Variants in ADAMTS19 observed in about 807,000 individuals in gnomAD.
The protein encoded by ADAMTS19 is ADAM metallopeptidase with thrombospondin type 1 motif 19.
In ADAMTS19, 93 loss-of-function variants were observed where a neutral mutation model predicts 153.3. The ratio of observed to expected loss-of-function variants is 0.61; its 90% CI spans 0.51 to 0.72. The LOEUF is 0.72. ADAMTS19 is among the 30% of genes least tolerant of loss of function. The pLI is 0.00. For synonymous variants in ADAMTS19, 600 were observed against 556.6 expected (o/e 1.08, Z -1.10); for missense variants, 1,482 against 1,552.1 (o/e 0.95, Z 0.76).
At chr5:129,471,433 G>A (rs1428310173) in intron 2 of ADAMTS19, among the ~76,000 whole-genome samples, 1 of 139,224 alleles carries the variant, frequency 7.2e-6, no homozygotes, top group Non-Finnish European at 1.5e-5. Flanking sequence ...GAAAAGAAAG[G>A]AAGGAAAGAA....
chr5:129,704,342 G>T lies in ADAMTS19; in HGVS notation c.3263G>T (p.Cys1088Phe). ...LSTRPREAED[C>F]EDYSKCYVWR... ...ACCAGACCCAGGGAGGCTGAAGACT[G>T]TGAGGATTATTCAAAATGCTATGTG... Residue 1088 changes from cysteine (C) to phenylalanine (F), a missense_variant, in exon 21 of 23, where the codon TGT (cysteine) becomes TTT (phenylalanine). By Grantham distance (205) the Cys-to-Phe change is radical. Around this residue, in one of 2 missense-constraint regions of ADAMTS19, gnomAD observed 616 missense variants for 724.4 expected, o/e 0.85. Transcript: ENST00000274487. 1 of 1,614,136 alleles carries T rather than the reference G, an allele frequency of 6.2e-7. No individual in the cohort carries two copies. The highest frequency in any genetic ancestry group is 1.1e-5 in the South Asian group (1 of 91,078).
chr5:129,691,114 T>C (rs1755315649), intron 18 of ADAMTS19, among the ~76,000 whole-genome samples: 1 of 152,190 alleles, frequency 6.6e-6, no homozygotes, highest in Non-Finnish European at 1.5e-5. Flanking sequence ...AGTGTCAGCT[T>C]ATCTGTGAAA....
At chr5:129,471,552 C>T (rs907001367) in intron 2 of ADAMTS19, among the ~76,000 whole-genome samples, 24 of 151,210 alleles carry the variant, frequency 1.6e-4, no homozygotes, top group Non-Finnish European at 4.4e-5. Context: ...ATACAAGGTA[C>T]TTTTTTTTTA....
chr5:129,703,047 CTT>C (rs1185672994), intron 20 of ADAMTS19, among the ~76,000 whole-genome samples: 2 of 147,298 alleles, frequency 1.4e-5, no homozygotes, highest in Non-Finnish European at 3.0e-5. Context: ...CAAATACAAA[CTT>C]TAAGTTATGA....
chr5:129,631,597 G>A (rs1272508703), intron 10 of ADAMTS19, among the ~76,000 whole-genome samples: 1 of 151,786 alleles, frequency 6.6e-6, no homozygotes, highest in Non-Finnish European at 1.5e-5. Flanking sequence ...TTTTCATTAT[G>A]AAAAAGTCTT....
intron 8 of ADAMTS19, among the ~76,000 whole-genome samples, chr5:129,613,735 G>A (rs1331050280): frequency 2.0e-5 from 3 of 151,918 alleles, no homozygotes; most frequent in Non-Finnish European, 2.9e-5. Flanking sequence ...CAAAAAATCA[G>A]TGAATCCAGG....
Position 129,572,693 on chromosome 5 carries a change from A to G in ADAMTS19, c.1372+20786A>G, listed in dbSNP as rs187008501. On this transcript the variant is annotated intron_variant, in intron 7 of 22. Transcript: ENST00000274487. ...CAAAGGTTACTTACTGTACAATTAT[A>G]TTTATGTGTCATTTTCTAAAAAACA... 3.3e-5 allele frequency among the ~76,000 whole-genome samples: 5 copies of G among 152,090 alleles called. No homozygotes were observed. The East Asian group carries it at 9.7e-4, about 29-fold the overall frequency.
intron 9 of ADAMTS19, among the ~76,000 whole-genome samples, chr5:129,621,329 A>G (rs546394621): frequency 6.6e-6 from 1 of 152,262 alleles, no homozygotes; most frequent in African/African-American, 2.4e-5. Context: ...ACTTATTTCT[A>G]TAATTATAGA....
At chr5:129,566,518 A>T (rs973514567) in intron 7 of ADAMTS19, among the ~76,000 whole-genome samples, 2 of 152,144 alleles carry the variant, frequency 1.3e-5, no homozygotes, top group Non-Finnish European at 2.9e-5. Flanking sequence ...ATGAATTTGA[A>T]GTGCCACCAA....
At chr5:129,550,535 C>G (rs1480894917) in intron 6 of ADAMTS19, among the ~76,000 whole-genome samples, 1 of 148,556 alleles carries the variant, frequency 6.7e-6, no homozygotes, top group Non-Finnish European at 1.5e-5. Flanking sequence ...TATACATATA[C>G]AGATACATCT....
intron 8 of ADAMTS19, among the ~76,000 whole-genome samples, chr5:129,599,537 C>T (rs1458216744): frequency 1.3e-5 from 2 of 152,010 alleles, no homozygotes; most frequent in East Asian, 1.9e-4. Flanking sequence ...ATGTTTAAAA[C>T]CAGATATGCA....
intron 3 of ADAMTS19, among the ~76,000 whole-genome samples, chr5:129,524,693 G>T (rs532883866): frequency 4.8e-4 from 72 of 150,846 alleles, no homozygotes; most frequent in African/African-American, 1.6e-3. Context: ...CAGTGAAGTG[G>T]CACAGCACAT....
At chr5:129,699,382 C>T (rs1755721418) in intron 19 of ADAMTS19, among the ~76,000 whole-genome samples, 1 of 146,866 alleles carries the variant, frequency 6.8e-6, no homozygotes, top group African/African-American at 2.5e-5. Context: ...AAGATTGTAC[C>T]ATTGCACTCC....
chr5:129,606,148 T>C (rs769596619), intron 8 of ADAMTS19, among the ~76,000 whole-genome samples: 9 of 152,290 alleles, frequency 5.9e-5, no homozygotes, highest in Non-Finnish European at 1.3e-4. Context: ...TTGGGGCACC[T>C]GCTAAAATTT....
At chr5:129,605,942 A>G (rs1045486667) in intron 8 of ADAMTS19, among the ~76,000 whole-genome samples, 13 of 152,168 alleles carry the variant, frequency 8.5e-5, no homozygotes, top group Non-Finnish European at 5.9e-5. Flanking sequence ...TTGTTTTGAT[A>G]TGGCCAAAAA....
chr5:129,531,428 C>T (rs1200061353), intron 6 of ADAMTS19, among the ~76,000 whole-genome samples: 1 of 152,134 alleles, frequency 6.6e-6, no homozygotes, highest in East Asian at 1.9e-4. Flanking sequence ...GATTCAAGAC[C>T]AGCCTGCCTA....
chr5:129,539,497 T>C (rs1752579445), intron 6 of ADAMTS19, among the ~76,000 whole-genome samples: 1 of 152,068 alleles, frequency 6.6e-6, no homozygotes, highest in Non-Finnish European at 1.5e-5. Context: ...TCTGACAAGA[T>C]AACAAATTTG....
intron 21 of ADAMTS19, among the ~76,000 whole-genome samples, chr5:129,726,439 A>G (rs759624398): frequency 3.9e-5 from 6 of 152,126 alleles, no homozygotes; most frequent in Non-Finnish European, 8.8e-5. Context: ...GTGGAACTCT[A>G]TAGTGTGTCT....
At chr5:129,513,268 A>T (rs990622866) in intron 3 of ADAMTS19, among the ~76,000 whole-genome samples, 3 of 151,828 alleles carry the variant, frequency 2.0e-5, no homozygotes, top group African/African-American at 4.8e-5. Flanking sequence ...GAGTTTACTC[A>T]TGATGCTGTC....
Sources: allele counts gnomAD v4.1 joint callset (sites outside exome capture counted in the v4.1 genomes callset), GRCh38; gene constraint gnomAD v4.1.1; regional missense constraint gnomAD v4.1.1; transcripts MANE v1.5; gene names NCBI Gene and HGNC (gene_info 2026-07-23, HGNC 2026-07-21).